The following INSL6 variants were observed in gnomAD, a reference collection of about 807,000 sequenced individuals.
The protein encoded by INSL6 is insulin like 6.
INSL6 carries 16 observed loss-of-function variants against 9.4 expected under a neutral mutation model. The ratio of observed to expected loss-of-function variants is 1.70; its 90% CI spans 1.15 to 2.59. The LOEUF (loss-of-function observed/expected upper bound fraction) is 2.59. Ranked by LOEUF, INSL6 falls within the 30% of genes most tolerant of loss-of-function variation. The probability of loss-of-function intolerance (pLI) is 0.00; values close to 1 mark genes in which losing one functional copy is unlikely to be tolerated. For synonymous variants in INSL6, 154 were observed against 96.9 expected (o/e 1.59, Z -3.46); for missense variants, 391 against 257.3 (o/e 1.52, Z -3.56).
At chr9:5,104,953 T>A in the INSL6 span, among the ~76,000 whole-genome samples, 4 of 152,206 alleles carry the variant, frequency 2.6e-5, no homozygotes, top group Admixed American at 2.6e-4. Flanking sequence ...GCCAATATCA[T>A]ACTGAATGGG....
chr9:5,157,918 G>A (rs563264179), intron 2 of INSL6, among the ~76,000 whole-genome samples: 44 of 152,172 alleles, frequency 2.9e-4, no homozygotes, highest in African/African-American at 9.6e-4. Context: ...ATTCAAAAGA[G>A]CTGTTTTAAG....
the INSL6 span, among the ~76,000 whole-genome samples, chr9:4,998,021 CATT>C: frequency 6.6e-6 from 1 of 152,172 alleles, no homozygotes; most frequent in African/African-American, 2.4e-5. Context: ...TTTTAAAAAT[CATT>C]ATGAGCTTAA....
intron 2 of INSL6, among the ~76,000 whole-genome samples, chr9:5,151,021 T>G (rs1011446342): frequency 1.3e-5 from 2 of 152,156 alleles, no homozygotes; most frequent in Non-Finnish European, 2.9e-5. Flanking sequence ...AAGTGGGACC[T>G]AAATAATGTA....
the INSL6 span, among the ~76,000 whole-genome samples, chr9:5,043,137 G>A: frequency 1.6e-4 from 25 of 152,366 alleles, no homozygotes; most frequent in South Asian, 3.1e-3. Context: ...CCCCGCAGGT[G>A]TATGTGCAGG....
Position 5,185,504 on chromosome 9 carries a change from G to C in INSL6, c.99C>G (p.Cys33Trp). The C allele has an allele frequency of 1.2e-6, 2 of 1,614,146 alleles. No individual in the cohort carries two copies. Among genetic ancestry groups the C allele is most frequent in the Non-Finnish European group, 1.7e-6 (2 of 1,180,018 alleles). Residue 33 changes from cysteine (C) to tryptophan (W), a missense_variant, in exon 1 of 2, where the codon TGC (cysteine) becomes TGG (tryptophan). Cys to Trp is a radical substitution (Grantham distance 215). Transcript: ENST00000381641. ...LSDISSARKL[C>W]GRYLVKEIEK... is the part of the protein sequence containing the mutation. Reference sequence around the variant, plus strand: ...CTATTTCTTTCACCAAGTACCTGCCGCACAGCTTCCTGGCACTGCTGATGT... The same window carrying C: ...CTATTTCTTTCACCAAGTACCTGCCCCACAGCTTCCTGGCACTGCTGATGT...
the INSL6 span, chr9:5,080,776 T>A: frequency 1.0e-6 from 1 of 977,986 alleles, no homozygotes; most frequent in Middle Eastern, 3.0e-4. Context: ...TTAAAACATT[T>A]TCTTGATGTC....
intron 3 of INSL6, chr9:5,126,824 A>T (rs1824030821): frequency 7.4e-7 from 1 of 1,349,018 alleles, no homozygotes; most frequent in East Asian, 2.3e-5. Context: ...ACCAAAGTAG[A>T]TTTACAGAAC....
intron 1 of INSL6, among the ~76,000 whole-genome samples, chr9:5,183,763 G>C (rs932017167): frequency 2.0e-5 from 3 of 151,838 alleles, no homozygotes; most frequent in African/African-American, 7.3e-5. Context: ...ACAAGAAAGA[G>C]GAGTTTAAAA....
chr9:5,025,281 G>A, the INSL6 span, among the ~76,000 whole-genome samples: 1 of 151,982 alleles, frequency 6.6e-6, no homozygotes, highest in African/African-American at 2.4e-5. Flanking sequence ...ATTACCCTTG[G>A]TATCGTAGTC....
the INSL6 span, among the ~76,000 whole-genome samples, chr9:5,090,150 A>T: frequency 6.6e-6 from 1 of 152,290 alleles, no homozygotes; most frequent in African/African-American, 2.4e-5. Context: ...TTTTGAATTC[A>T]ATGTTTTTTG....
At chr9:5,032,399 T>C in the INSL6 span, among the ~76,000 whole-genome samples, 1 of 152,200 alleles carries the variant, frequency 6.6e-6, no homozygotes, top group Non-Finnish European at 1.5e-5. Context: ...TGAAGAGTAG[T>C]GGTTCTCCCA....
downstream of INSL6, among the ~76,000 whole-genome samples, chr9:5,121,582 A>G (rs937059673): frequency 6.6e-6 from 1 of 152,160 alleles, no homozygotes; most frequent in African/African-American, 2.4e-5. Flanking sequence ...TGAATTCCCA[A>G]GAGATAGTTA....
At chr9:5,055,354 T>C in the INSL6 span, among the ~76,000 whole-genome samples, 2 of 152,152 alleles carry the variant, frequency 1.3e-5, no homozygotes, top group Non-Finnish European at 2.9e-5. Flanking sequence ...GGGATCATTT[T>C]TTAATTTTTC....
chr9:5,067,016 G>C, the INSL6 span, among the ~76,000 whole-genome samples: 1 of 151,688 alleles, frequency 6.6e-6, no homozygotes, highest in Non-Finnish European at 1.5e-5. Flanking sequence ...TTTTTATTTT[G>C]CATTTATTTT....
intron 3 of INSL6, chr9:5,128,132 A>AAACTT (rs1824125805): frequency 4.3e-6 from 1 of 230,622 alleles, no homozygotes; most frequent in Non-Finnish European, 8.5e-6. Flanking sequence ...TATTTATACA[A>AAACTT]AACTTAAAAT....
chr9:5,031,866 T>C, the INSL6 span, among the ~76,000 whole-genome samples: 1 of 152,136 alleles, frequency 6.6e-6, no homozygotes, highest in African/African-American at 2.4e-5. Flanking sequence ...CATTTCCAAC[T>C]GAGGTGTACC....
the INSL6 span, chr9:5,086,033 A>G: frequency 5.2e-6 from 4 of 775,906 alleles, no homozygotes; most frequent in Non-Finnish European, 9.4e-6. Flanking sequence ...TTGGACAGGC[A>G]GGTGTTAAAT....
At chr9:5,103,280 G>GA in the INSL6 span, among the ~76,000 whole-genome samples, 6 of 82,924 alleles carry the variant, frequency 7.2e-5, no homozygotes, top group Admixed American at 2.7e-4. Context: ...CCCGGTCTCT[G>GA]AAAAAAAAGA....
the INSL6 span, among the ~76,000 whole-genome samples, chr9:4,994,918 A>G: frequency 1.2e-3 from 176 of 150,870 alleles, 2 homozygotes; most frequent in African/African-American, 4.0e-3. Context: ...AAAAAGTAGT[A>G]AATATCTTTG....
Sources: allele counts gnomAD v4.1 joint callset (sites outside exome capture counted in the v4.1 genomes callset), GRCh38; gene constraint gnomAD v4.1.1; transcripts MANE v1.5; gene names NCBI Gene and HGNC (gene_info 2026-07-23, HGNC 2026-07-21).